The following RYR2 variants were observed in gnomAD, a reference collection of about 807,000 sequenced individuals.
The protein encoded by RYR2 is ryanodine receptor 2.
Under a neutral mutation model 601.1 loss-of-function variants are expected in RYR2, and 227 were observed. The ratio of observed to expected loss-of-function variants is 0.38; its 90% confidence interval spans 0.34 to 0.42. RYR2 has a LOEUF of 0.42. RYR2 is among the 10% of genes least tolerant of loss of function. The probability of loss-of-function intolerance (pLI) is 1.00; values close to 1 mark genes in which losing one functional copy is unlikely to be tolerated. For synonymous variants in RYR2, 2,223 were observed against 2,175.1 expected (o/e 1.02, Z -0.61); for missense variants, 4,646 against 6,156.5 (o/e 0.75, Z 8.21).
At chr1:237,366,261 C>A (rs1398699909) in intron 5 of RYR2, among the ~76,000 whole-genome samples, 1 of 152,206 alleles carries the variant, frequency 6.6e-6, no homozygotes, top group South Asian at 2.1e-4. Flanking sequence ...CATGAAGACA[C>A]CATCCCAAGT....
Position 237,614,653 on chromosome 1 carries a change from T to C in RYR2, c.5525T>C (p.Ile1842Thr), listed in dbSNP as rs1168483242. Residue 1842 changes from isoleucine (I) to threonine (T), a missense_variant, in exon 37 of 105, where the codon ATC becomes ACC. By Grantham distance (89) the Ile-to-Thr change is moderately conservative. Coordinates refer to ENST00000366574, the MANE Select transcript of RYR2 (RefSeq NM_001035.3). This position sits in a 1 kb window ranked among gnomAD's most constrained non-coding sequence, Gnocchi z 4.3. ...TTTCACAACGAGGACTTGAAGCACATCTTGCAGTTGATTGAGCCCAGTGTG... is the reference window on the plus strand; with the variant it reads ...TTTCACAACGAGGACTTGAAGCACACCTTGCAGTTGATTGAGCCCAGTGTG... Reference protein sequence around the residue: ...GIFHNEDLKHILQLIEPSVFK... With the variant: ...GIFHNEDLKHTLQLIEPSVFK... The C allele has an allele frequency of 6.2e-7, 1 of 1,613,986 alleles. No individual in the cohort carries two copies. The highest frequency in any genetic ancestry group is 8.5e-7 in the Non-Finnish European group (1 of 1,179,878).
intron 34 of RYR2, among the ~76,000 whole-genome samples, chr1:237,596,087 G>A (rs1362005779): frequency 6.6e-6 from 1 of 152,120 alleles, no homozygotes; most frequent in Non-Finnish European, 1.5e-5. Flanking sequence ...AAAGTTGGAA[G>A]AAGCTACTGT....
At chr1:237,629,881 G>C (rs1351333809) in intron 41 of RYR2, among the ~76,000 whole-genome samples, 2 of 152,002 alleles carry the variant, frequency 1.3e-5, no homozygotes, top group African/African-American at 4.8e-5. Context: ...ATTCATAATT[G>C]TTGCACACTA....
At chr1:237,288,382 A>G (rs539452670) in intron 2 of RYR2, among the ~76,000 whole-genome samples, 80 of 152,024 alleles carry the variant, frequency 5.3e-4, no homozygotes, top group African/African-American at 1.9e-3. Context: ...TCCCAAGATT[A>G]TATGTCCTTT....
chr1:237,403,224 A>G (rs1431867874), intron 10 of RYR2, among the ~76,000 whole-genome samples: 2 of 152,236 alleles, frequency 1.3e-5, no homozygotes, highest in East Asian at 3.8e-4. Flanking sequence ...GATCACAGGT[A>G]TGCACATCAG....
At chr1:237,803,706 A>G (rs550090777) in intron 98 of RYR2, among the ~76,000 whole-genome samples, 141 of 152,278 alleles carry the variant, frequency 9.3e-4, no homozygotes, top group African/African-American at 3.1e-3. Context: ...TCTTCGGTCT[A>G]CAATTTTCTC....
chr1:237,718,708 A>G (rs1689463723), intron 73 of RYR2, among the ~76,000 whole-genome samples, 187 bp downstream of exon 73: 1 of 152,222 alleles, frequency 6.6e-6, no homozygotes, highest in Admixed American at 6.5e-5. Flanking sequence ...ATATTTTTAA[A>G]GAAAATTACC....
intron 29 of RYR2, among the ~76,000 whole-genome samples, chr1:237,580,081 G>C (rs189496768): frequency 6.6e-6 from 1 of 151,686 alleles, no homozygotes; most frequent in Non-Finnish European, 1.5e-5. Flanking sequence ...TAATTCTTAC[G>C]ACTGTGAGGA....
At chr1:237,050,104 C>A (rs1188180609) in intron 1 of RYR2, among the ~76,000 whole-genome samples, 1 of 152,174 alleles carries the variant, frequency 6.6e-6, no homozygotes, top group Non-Finnish European at 1.5e-5. Flanking sequence ...CACGTAATTG[C>A]TTTCATGTTC....
rs139850403 is a variant in RYR2, at chr1:237,496,804, C to T, written c.2203+52C>T. 3 of 1,568,078 alleles carry T rather than the reference C, an allele frequency of 1.9e-6. No homozygotes were observed. The African/African-American group carries it at 4.1e-5, about 21-fold the overall frequency. On this transcript the variant is annotated intron_variant, in intron 20 of 104. Coordinates refer to ENST00000366574, the MANE Select transcript of RYR2 (RefSeq NM_001035.3). ...GTGTTCCAGAAGATCTTTTGCTGGG[C>T]ATTTCTGAAAGCTATTGGTGCTGCT... is the stretch of plus-strand genomic sequence containing the variant.
chr1:237,596,002 A>G (rs888148937), intron 34 of RYR2, among the ~76,000 whole-genome samples: 1 of 151,980 alleles, frequency 6.6e-6, no homozygotes, highest in African/African-American at 2.4e-5. Context: ...CAGAACCAAA[A>G]CCAGTGTATC....
chr1:237,708,493 A>G (rs2392695), intron 68 of RYR2, among the ~76,000 whole-genome samples: 38,800 of 152,156 alleles, frequency 0.26, 5,921 homozygotes, highest in Middle Eastern at 0.47. Context: ...ATAGTCTCAT[A>G]TAGTAATTAT....
intron 1 of RYR2, among the ~76,000 whole-genome samples, chr1:237,177,038 C>T (rs368748997): frequency 3.9e-5 from 6 of 152,132 alleles, no homozygotes; most frequent in South Asian, 4.1e-4. Context: ...TAAACAAAAA[C>T]GTTGACTTTA....
chr1:237,683,219 A>C (rs754238117), intron 62 of RYR2, among the ~76,000 whole-genome samples: 4 of 152,248 alleles, frequency 2.6e-5, no homozygotes, highest in Non-Finnish European at 5.9e-5. Flanking sequence ...AGTGTTTAAC[A>C]GACGTGAGTA....
At chr1:237,619,954 A>T (rs1413436073) in intron 38 of RYR2, among the ~76,000 whole-genome samples, 1 of 152,172 alleles carries the variant, frequency 6.6e-6, no homozygotes, top group Non-Finnish European at 1.5e-5. Context: ...AAGAATGCTA[A>T]AGGAAGTTCT....
intron 51 of RYR2, among the ~76,000 whole-genome samples, chr1:237,653,667 G>T (rs1178068904): frequency 1.3e-5 from 2 of 152,194 alleles, no homozygotes; most frequent in East Asian, 3.9e-4. Context: ...ACCGGGTGAA[G>T]TCCCACAATA....
intron 1 of RYR2, among the ~76,000 whole-genome samples, chr1:237,167,502 G>A (rs1031778751): frequency 4.6e-5 from 7 of 152,002 alleles, no homozygotes; most frequent in Non-Finnish European, 2.9e-5. Context: ...TTTTAGACTC[G>A]GTGAATATAA....
intron 1 of RYR2, among the ~76,000 whole-genome samples, chr1:237,133,040 A>C (rs1381391605): frequency 6.6e-6 from 1 of 152,190 alleles, no homozygotes; most frequent in Non-Finnish European, 1.5e-5. Context: ...TGGCTGATTG[A>C]CATGCTCTGG....
intron 8 of RYR2, among the ~76,000 whole-genome samples, chr1:237,378,641 C>T (rs1268477354): frequency 6.6e-6 from 1 of 152,166 alleles, no homozygotes; most frequent in African/African-American, 2.4e-5. Flanking sequence ...TACCATAAAT[C>T]AAAATGTAGT....
Sources: allele counts gnomAD v4.1 joint callset (sites outside exome capture counted in the v4.1 genomes callset), GRCh38; gene constraint gnomAD v4.1.1; non-coding constraint Gnocchi (gnomAD v3.1); transcripts MANE v1.5; gene names NCBI Gene and HGNC (gene_info 2026-07-23, HGNC 2026-07-21).